The following ZNF83 variants were observed in gnomAD, a reference collection of about 807,000 sequenced individuals.
The protein encoded by ZNF83 is zinc finger protein 83, also known as zinc finger protein 816B.
For synonymous variants in ZNF83, 209 were observed against 213.0 expected (o/e 0.98, Z 0.17); for missense variants, 552 against 629.9 (o/e 0.88, Z 1.32).
chr19:52,625,051 G>A (rs371196589), intron 2 of ZNF83, among the ~76,000 whole-genome samples: 102 of 150,258 alleles, frequency 6.8e-4, no homozygotes, highest in African/African-American at 2.4e-3. Context: ...CCCTCCTTTC[G>A]TGTTCCTCAT....
chr19:52,671,282 C>A (rs2061721357), intron 1 of ZNF83, among the ~76,000 whole-genome samples: 1 of 152,000 alleles, frequency 6.6e-6, no homozygotes, highest in Non-Finnish European at 1.5e-5. Flanking sequence ...TTCTCAAATA[C>A]TTTTTTTTAC....
chr19:52,677,173 CA>C (rs1568580027), intron 1 of ZNF83, among the ~76,000 whole-genome samples: 2 of 149,518 alleles, frequency 1.3e-5, no homozygotes, highest in African/African-American at 4.9e-5. Context: ...AAGATACAAT[CA>C]AAAAAACAAA....
At chr19:52,683,842 G>T (rs963506064) in intron 1 of ZNF83, among the ~76,000 whole-genome samples, 1 of 152,126 alleles carries the variant, frequency 6.6e-6, no homozygotes, top group African/African-American at 2.4e-5. Context: ...CATCTAAACT[G>T]CAACCCCAGA....
intron 2 of ZNF83, among the ~76,000 whole-genome samples, chr19:52,620,088 C>T (rs2060478590): frequency 6.6e-6 from 1 of 152,134 alleles, no homozygotes; most frequent in Admixed American, 6.6e-5. Flanking sequence ...TACAAAAATA[C>T]ATTTTTTATA....
intron 2 of ZNF83, among the ~76,000 whole-genome samples, chr19:52,632,965 A>C (rs2061021391): frequency 6.6e-6 from 1 of 151,686 alleles, no homozygotes; most frequent in Non-Finnish European, 1.5e-5. Flanking sequence ...CTCTCTCCAT[A>C]CCACCCCCAA....
intron 2 of ZNF83, among the ~76,000 whole-genome samples, chr19:52,631,886 C>T (rs1173270914): frequency 6.6e-6 from 1 of 151,748 alleles, no homozygotes; most frequent in African/African-American, 2.4e-5. Context: ...AAGGAAATAA[C>T]TTCTCAGTGT....
At chr19:52,689,553 C>T (rs1165142327) in intron 1 of ZNF83, among the ~76,000 whole-genome samples, 1 of 152,180 alleles carries the variant, frequency 6.6e-6, no homozygotes, top group Non-Finnish European at 1.5e-5. Context: ...TGCCCCTCTC[C>T]CTACCTTGCT....
intron 1 of ZNF83, among the ~76,000 whole-genome samples, chr19:52,676,398 G>A (rs56180446): frequency 0.13 from 19,929 of 152,052 alleles, 1,394 homozygotes; most frequent in African/African-American, 0.14. Context: ...CTGCCCGGCC[G>A]CCACCCCGTC....
intron 3 of ZNF83, chr19:52,653,383 C>T (rs977115627): frequency 7.0e-6 from 7 of 998,574 alleles, no homozygotes; most frequent in Non-Finnish European, 9.3e-6. Context: ...AACCTTGCCA[C>T]ATTCATTACA....
chr19:52,612,708 A>G (rs1287441316), exon 3 of ZNF83: 6 of 337,640 alleles, frequency 1.8e-5, no homozygotes, highest in Non-Finnish European at 3.2e-5. Flanking sequence ...TCTCTCAAGC[A>G]TGAATTTTTG....
At chr19:52,659,695 T>C (rs1420679874) in intron 2 of ZNF83, among the ~76,000 whole-genome samples, 1 of 150,760 alleles carries the variant, frequency 6.6e-6, no homozygotes, top group Non-Finnish European at 1.5e-5. Flanking sequence ...GAAGGCATAA[T>C]GGCAAAAATT....
Position 52,684,552 on chromosome 19 carries a change from AAAAG to A in ZNF83, c.-283+5887_-283+5890del, listed in dbSNP as rs1206375310. The stretch of plus-strand genomic sequence containing the variant: ...ACAATAGAGTGAGACTCTGTCTAAA[AAAAG>A]AAAAAAAAAGGAAAGAAAGAAAAAG... On this transcript the variant is annotated intron_variant, in intron 1 of 5. Coordinates refer to the ZNF83 transcript ENST00000594682. Among the ~76,000 whole-genome samples, 1,309 of 144,008 alleles carry A rather than the reference AAAAG, an allele frequency of 9.1e-3. 27 individuals are homozygous for A. The highest frequency in any genetic ancestry group is 0.033 in the African/African-American group (1,211 of 37,246). The allele number at this position is 144,008 out of a possible 152,430, so 94.5% of individuals were successfully genotyped here. A position where few individuals can be genotyped will look rare whatever the true frequency, so the allele number is the denominator to read the frequency against.
At chr19:52,612,748 G>C in exon 3 of ZNF83, 1 of 473,748 alleles carries the variant, frequency 2.1e-6, no homozygotes, top group South Asian at 3.8e-5. Context: ...AATTGTGCCA[G>C]AAGACCTTGC....
intron 1 of ZNF83, among the ~76,000 whole-genome samples, chr19:52,682,892 A>C (rs1001708640): frequency 2.0e-5 from 3 of 151,602 alleles, no homozygotes; most frequent in African/African-American, 7.3e-5. Flanking sequence ...TTTTTTCTAG[A>C]TGGAGTCTCT....
intron 2 of ZNF83, among the ~76,000 whole-genome samples, chr19:52,631,636 A>G (rs1201050267): frequency 6.6e-6 from 1 of 152,156 alleles, no homozygotes; most frequent in Non-Finnish European, 1.5e-5. Flanking sequence ...GGCCTCCCAC[A>G]TTATTCTGGA....
intron 2 of ZNF83, among the ~76,000 whole-genome samples, chr19:52,625,973 C>T (rs1322994110): frequency 6.6e-6 from 1 of 152,136 alleles, no homozygotes; most frequent in Non-Finnish European, 1.5e-5. Context: ...TGCAAAAGGC[C>T]TCTTCTTCTG....
chr19:52,671,887 A>C (rs1457641126), intron 1 of ZNF83, among the ~76,000 whole-genome samples: 1 of 152,234 alleles, frequency 6.6e-6, no homozygotes, highest in Admixed American at 6.5e-5. Flanking sequence ...TACTAAGAAT[A>C]CATTGCAGTC....
intron 1 of ZNF83, among the ~76,000 whole-genome samples, chr19:52,688,681 C>T (rs2062089561): frequency 6.6e-6 from 1 of 152,050 alleles, no homozygotes; most frequent in African/African-American, 2.4e-5. Flanking sequence ...TAACATCTTG[C>T]TGCTCTTCTC....
chr19:52,654,839 T>C (rs2147261219), intron 3 of ZNF83: 1 of 153,772 alleles, frequency 6.5e-6, no homozygotes. Context: ...GTTTATGTGA[T>C]GATCACTGTC....
Sources: allele counts gnomAD v4.1 joint callset (sites outside exome capture counted in the v4.1 genomes callset), GRCh38; gene constraint gnomAD v4.1.1; transcripts MANE v1.5; gene names NCBI Gene and HGNC (gene_info 2026-07-23, HGNC 2026-07-21).